Variants in CUBN observed in about 807,000 individuals in gnomAD.
CUBN encodes cubilin.
CUBN carries 282 observed loss-of-function variants against 405.3 expected under a neutral mutation model. That is an observed-to-expected ratio of 0.70 (90% CI 0.63 to 0.77). The LOEUF is 0.77. Ranked by LOEUF, CUBN falls within the 30% of genes least tolerant of loss-of-function variation. The probability of loss-of-function intolerance (pLI) is 0.00; values close to 1 mark genes in which losing one functional copy is unlikely to be tolerated. For missense variants in CUBN, 4,514 were observed against 4,475.2 expected (o/e 1.01, Z -0.25); for synonymous variants, 1,684 against 1,617.0 (o/e 1.04, Z -0.99).
intron 59 of CUBN, among the ~76,000 whole-genome samples, chr10:16,869,183 T>TTTTTTTG (rs1840274686): frequency 6.8e-6 from 1 of 147,696 alleles, no homozygotes; most frequent in African/African-American, 2.6e-5. Flanking sequence ...TTTTTTTTTT[T>TTTTTTTG]GAGACAGAGT....
At chr10:16,873,677 G>A (rs1214614080) in intron 58 of CUBN, among the ~76,000 whole-genome samples, 1 of 148,028 alleles carries the variant, frequency 6.8e-6, no homozygotes, top group Non-Finnish European at 1.5e-5. Flanking sequence ...AGCCGAGATT[G>A]TGCCACTACA....
intron 31 of CUBN, among the ~76,000 whole-genome samples, chr10:16,981,809 T>TTC (rs1432989526): frequency 2.0e-5 from 3 of 152,126 alleles, no homozygotes; most frequent in African/African-American, 7.2e-5. Flanking sequence ...AAGGAAACCC[T>TTC]CCCATCTCAG....
intron 31 of CUBN, among the ~76,000 whole-genome samples, chr10:16,957,945 AC>A (rs1843117008): frequency 6.6e-6 from 1 of 151,758 alleles, no homozygotes; most frequent in Non-Finnish European, 1.5e-5. Flanking sequence ...CCATGGACTC[AC>A]AAAATAAGAC....
At chr10:17,123,518 G>A (rs1837093360) in intron 5 of CUBN, 70 bp downstream of exon 5, 2 of 1,135,060 alleles carry the variant, frequency 1.8e-6, no homozygotes, top group South Asian at 1.3e-5. Flanking sequence ...AATTAAATAT[G>A]CCTGATGATT....
intron 31 of CUBN, among the ~76,000 whole-genome samples, chr10:16,974,673 C>T (rs1833040398): frequency 6.6e-6 from 1 of 152,094 alleles, no homozygotes; most frequent in Non-Finnish European, 1.5e-5. Context: ...GCCCGGCCTA[C>T]AGTTAACTCT....
intron 56 of CUBN, among the ~76,000 whole-genome samples, chr10:16,877,449 C>G (rs1327870658): frequency 1.3e-5 from 2 of 152,078 alleles, no homozygotes; most frequent in Non-Finnish European, 2.9e-5. Context: ...TGCTGTCACA[C>G]TGTAGAGTGG....
chr10:16,826,803 C>A (rs935503659), intron 66 of CUBN, among the ~76,000 whole-genome samples: 1 of 152,104 alleles, frequency 6.6e-6, no homozygotes, highest in Non-Finnish European at 1.5e-5. Context: ...TATACTTGTT[C>A]TTTCCACCTT....
intron 25 of CUBN, among the ~76,000 whole-genome samples, chr10:17,044,426 G>T (rs570184134): frequency 5.3e-5 from 8 of 151,792 alleles, no homozygotes; most frequent in Admixed American, 3.9e-4. Context: ...AGGCAATTAA[G>T]CTGTGGACAT....
chr10:16,874,542 T>C lies in CUBN; in HGVS notation c.9107-39A>G. On this transcript the variant is annotated intron_variant, in intron 57 of 66. Coordinates refer to ENST00000377833, the MANE Select transcript of CUBN (RefSeq NM_001081.4). ...CAAGGGAATATGAAGAGAACAACGA[T>C]TAGTCCCAGCATGGAAAAATGATTT... The C allele has an allele frequency of 1.9e-6, 3 of 1,612,890 alleles. No individual in the cohort carries two copies. The South Asian group carries it at 3.3e-5, about 18-fold the overall frequency.
chr10:17,068,245 T>G lies in CUBN; in HGVS notation c.2827A>C (p.Ile943Leu). ...ACATTTGGATGGCCAGGACTTTGAA[T>G]GGTCCCTGTTGATTCTGTAAGAATT... is the stretch of plus-strand genomic sequence containing the variant. Reference protein sequence around the residue: ...GEILTESTGTIQSPGHPNVYP... With the variant: ...GEILTESTGTLQSPGHPNVYP... The change falls in exon 21 of 67, where the codon ATT becomes CTT. Residue 943 changes from isoleucine to leucine, a missense_variant. By Grantham distance (5) the Ile-to-Leu change is conservative (BLOSUM62 2). Around this residue, in one of 5 missense-constraint regions of CUBN, gnomAD observed 1,448 missense variants for 1,388.0 expected, o/e 1.04. Transcript: ENST00000377833. The G allele has an allele frequency of 6.2e-7, 1 of 1,613,730 alleles. No homozygotes were observed. The highest frequency in any genetic ancestry group is 8.5e-7 in the Non-Finnish European group (1 of 1,179,682).
chr10:17,016,550 T>G lies in CUBN; in HGVS notation c.4168+3283A>C, dbSNP rs939326575. On this transcript the variant is annotated intron_variant, in intron 28 of 66. Coordinates refer to ENST00000377833, the MANE Select transcript of CUBN (RefSeq NM_001081.4). ...CCCTAGACCCTGTAGGACATCTATG[T>G]ACCTATCAGGATCATCTGAAAACTT... is the stretch of plus-strand genomic sequence containing the variant. Among the ~76,000 whole-genome samples the G allele has an allele frequency of 2.3e-4, 35 of 152,312 alleles. 6 individuals are homozygous for G. The highest frequency in any genetic ancestry group is 1.4e-3 in the Admixed American group (22 of 15,302).
intron 28 of CUBN, among the ~76,000 whole-genome samples, chr10:16,999,797 C>T (rs1833829746): frequency 6.6e-6 from 1 of 152,180 alleles, no homozygotes; most frequent in South Asian, 2.1e-4. Flanking sequence ...TATTTTGGTA[C>T]ACAGGGCTCT....
At position 17,129,657 on chromosome 10, in the gene CUBN, T is replaced by C; in HGVS notation, c.109A>G (p.Ile37Val). ...ELELQRQKRS[I>V]NLQQPRMATE... ...GTGTTTACTTACTGTTGGAGATTGA[T>C]GCTTCTTTTTTGTCTCTGCAGCTCA... The change falls in exon 1 of 67, where the codon ATC (isoleucine) becomes GTC (valine). Residue 37 changes from isoleucine (I) to valine (V), a missense_variant. Ile to Val is a conservative substitution (Grantham distance 29, BLOSUM62 3). This residue lies in a region of CUBN where 1,448 missense variants were observed against 1,388.0 expected (regional missense o/e 1.04). Coordinates refer to ENST00000377833, the MANE Select transcript of CUBN (RefSeq NM_001081.4). The C allele has an allele frequency of 1.2e-6, 2 of 1,614,146 alleles. No homozygotes were observed. Among genetic ancestry groups the C allele is most frequent in the Non-Finnish European group, 1.7e-6 (2 of 1,180,004 alleles).
chr10:16,925,911 G>T lies in CUBN; in HGVS notation c.6272-137C>A, dbSNP rs1842176272. ...AAAATAAAGCCAGAGTGCAGGAAAT[G>T]ATTATCATAACAAGCATGTATTGAG... On this transcript the variant is annotated intron_variant, in intron 41 of 66. Coordinates refer to ENST00000377833, the MANE Select transcript of CUBN (RefSeq NM_001081.4). 4 of 765,066 alleles carry T rather than the reference G, an allele frequency of 5.2e-6. 1 individual carries two copies. The highest frequency in any genetic ancestry group is 4.4e-5 in the South Asian group (3 of 67,426). 47.4% of individuals were successfully genotyped at this position (765,066 alleles called of 1,614,324 possible).
chr10:17,065,671 A>G (rs779975092), intron 21 of CUBN, 33 bp from the exon 22 acceptor site: 1 of 1,612,146 alleles, frequency 6.2e-7, no homozygotes, highest in Admixed American at 1.7e-5. Flanking sequence ...AGATGTGTGT[A>G]TTTTAGTTTG....
intron 28 of CUBN, among the ~76,000 whole-genome samples, chr10:17,017,464 G>A (rs1260522487): frequency 2.6e-5 from 4 of 152,270 alleles, no homozygotes; most frequent in East Asian, 1.9e-4. Context: ...TACCCGCATC[G>A]TATAAAGGTG....
At chr10:17,087,365 G>A (rs1422750931) in intron 15 of CUBN, among the ~76,000 whole-genome samples, 1 of 151,842 alleles carries the variant, frequency 6.6e-6, no homozygotes, top group South Asian at 2.1e-4. Context: ...TTTTACTAAT[G>A]GGTAGGCAGA....
intron 14 of CUBN, among the ~76,000 whole-genome samples, chr10:17,095,870 C>G (rs1342126472): frequency 6.6e-6 from 1 of 152,002 alleles, no homozygotes; most frequent in African/African-American, 2.4e-5. Flanking sequence ...AAGTGCTCAT[C>G]AACAGGTAAA....
intron 31 of CUBN, among the ~76,000 whole-genome samples, chr10:16,957,610 C>T (rs112394654): frequency 1.3e-5 from 2 of 152,176 alleles, no homozygotes; most frequent in East Asian, 1.9e-4. Flanking sequence ...GAAAAGGGAA[C>T]CTTTACACAC....
Sources: allele counts gnomAD v4.1 joint callset (sites outside exome capture counted in the v4.1 genomes callset), GRCh38; gene constraint gnomAD v4.1.1; regional missense constraint gnomAD v4.1.1; transcripts MANE v1.5; gene names NCBI Gene and HGNC (gene_info 2026-07-23, HGNC 2026-07-21).